The following MRPL22 variants were observed in gnomAD, a reference collection of about 807,000 sequenced individuals.
MRPL22 encodes mitochondrial ribosomal protein L22, also known as large ribosomal subunit protein uL22m.
MRPL22 carries 27 observed loss-of-function variants against 32.4 expected under a neutral mutation model. The ratio of observed to expected loss-of-function variants is 0.83; its 90% confidence interval spans 0.61 to 1.15. The LOEUF is 1.15. Among genes scored for constraint, MRPL22 ranks in the 50% most tolerant of loss-of-function variants. MRPL22 has a pLI of 0.00. For synonymous variants in MRPL22, 86 were observed against 87.3 expected (o/e 0.99, Z 0.08); for missense variants, 239 against 260.2 (o/e 0.92, Z 0.56).
At chr5:154,955,470 G>C (rs996232596) in intron 3 of MRPL22, 4 of 152,156 alleles carry the variant, frequency 2.6e-5, no homozygotes, top group African/African-American at 7.2e-5. Context: ...AGGAACTTTT[G>C]AAAGTAGATG....
chr5:154,966,164 G>A (rs924828610), intron 6 of MRPL22, among the ~76,000 whole-genome samples: 1 of 152,104 alleles, frequency 6.6e-6, no homozygotes, highest in Admixed American at 6.5e-5. Context: ...GCTTCAGCAT[G>A]GTAGTCTTCT....
chr5:154,948,108 G>A (rs1764515203), intron 2 of MRPL22, among the ~76,000 whole-genome samples: 1 of 152,084 alleles, frequency 6.6e-6, no homozygotes, highest in South Asian at 2.1e-4. Flanking sequence ...ATTTGGATAT[G>A]CCCAGACATA....
At position 154,956,506 on chromosome 5, in the gene MRPL22, C is replaced by T. The variant is rs1462038718; in HGVS notation, c.261+70C>T. The stretch of plus-strand genomic sequence containing the variant: ...GAAGCTATGAGTTCCCCTCCCCACC[C>T]CTCACCCCAGGATTTGAAAAATAAA... On this transcript the variant is annotated intron_variant, in intron 4 of 6. Coordinates refer to ENST00000523037, the MANE Select transcript of MRPL22 (RefSeq NM_014180.4). The T allele has an allele frequency of 4.0e-6, 4 of 990,600 alleles. No homozygotes were observed. In the African/African-American group the frequency reaches 6.7e-5, roughly 16 times the overall value. 61.4% of individuals were successfully genotyped at this position (990,600 alleles called of 1,614,324 possible). A position where few individuals can be genotyped will look rare whatever the true frequency, so the allele number is the denominator to read the frequency against.
At chr5:154,957,506 C>A (rs931337330) in intron 5 of MRPL22, among the ~76,000 whole-genome samples, 1 of 151,606 alleles carries the variant, frequency 6.6e-6, no homozygotes, top group Non-Finnish European at 1.5e-5. Flanking sequence ...GGGCTTGGTA[C>A]GTATATGTGT....
chr5:154,959,663 T>C (rs1764676153), intron 5 of MRPL22, among the ~76,000 whole-genome samples: 1 of 152,206 alleles, frequency 6.6e-6, no homozygotes, highest in African/African-American at 2.4e-5. Context: ...GGGAACTTTT[T>C]GACAAGTTTC....
At chr5:154,951,791 C>T (rs374863482) in intron 3 of MRPL22, among the ~76,000 whole-genome samples, 49 of 151,816 alleles carry the variant, frequency 3.2e-4, no homozygotes, top group African/African-American at 1.1e-3. Context: ...CTAAATGAAA[C>T]GTTACACAAT....
chr5:154,961,667 A>G (rs956979968), intron 6 of MRPL22, among the ~76,000 whole-genome samples: 1 of 152,130 alleles, frequency 6.6e-6, no homozygotes, highest in Non-Finnish European at 1.5e-5. Flanking sequence ...AACCAATCCT[A>G]CATAAATGAC....
intron 3 of MRPL22, 67 bp downstream of exon 3, chr5:154,951,005 GA>G: frequency 9.8e-7 from 1 of 1,018,220 alleles, no homozygotes. Flanking sequence ...GATTAGTAAT[GA>G]TTTATTATTC....
intron 6 of MRPL22, among the ~76,000 whole-genome samples, chr5:154,960,910 A>G (rs1764694921): frequency 6.6e-6 from 1 of 152,230 alleles, no homozygotes; most frequent in Admixed American, 6.5e-5. Context: ...CCATACCAAC[A>G]TATAAAGATT....
intron 2 of MRPL22, among the ~76,000 whole-genome samples, chr5:154,945,082 AT>A (rs1764471759): frequency 6.6e-6 from 1 of 152,174 alleles, no homozygotes; most frequent in African/African-American, 2.4e-5. Flanking sequence ...GATCTGACTT[AT>A]GTTTATGAGT....
At chr5:154,943,286 C>T (rs1764444163) in intron 2 of MRPL22, among the ~76,000 whole-genome samples, 1 of 151,958 alleles carries the variant, frequency 6.6e-6, no homozygotes, top group Admixed American at 6.6e-5. Context: ...TGCCATCACA[C>T]CTGGCTAATT....
At chr5:154,954,085 G>A (rs998672373) in intron 3 of MRPL22, among the ~76,000 whole-genome samples, 5 of 151,476 alleles carry the variant, frequency 3.3e-5, no homozygotes, top group South Asian at 2.1e-4. Context: ...GACCTCCTGG[G>A]CTTAAGAGAT....
intron 2 of MRPL22, among the ~76,000 whole-genome samples, chr5:154,943,347 G>A (rs1438442924): frequency 6.6e-6 from 1 of 152,006 alleles, no homozygotes; most frequent in South Asian, 2.1e-4. Flanking sequence ...CTGGGCTCAA[G>A]TGATCCTCCT....
At chr5:154,957,348 A>G in intron 5 of MRPL22, 136 bp downstream of exon 5, 1 of 648,054 alleles carries the variant, frequency 1.5e-6, no homozygotes, top group Non-Finnish European at 2.7e-6. Flanking sequence ...TATAATACAG[A>G]TTTAGGGTTC....
intron 6 of MRPL22, among the ~76,000 whole-genome samples, chr5:154,966,363 C>G (rs1016635915): frequency 1.3e-5 from 2 of 152,234 alleles, no homozygotes; most frequent in Non-Finnish European, 2.9e-5. Flanking sequence ...CCATCATTGT[C>G]TGTCATCTCA....
rs185062408 is a variant in MRPL22, at chr5:154,967,962, A to G, written c.*1065A>G. On this transcript the variant is annotated 3_prime_UTR_variant, in exon 7 of 7. Transcript: ENST00000523037. The surrounding 1 kb of genome is among the most constrained non-coding windows in gnomAD (Gnocchi z 4.7). ...CGGCTTTAGGAGAATGAAAAAATGT[A>G]GTTTTATTGCCATGTTTTAAGATGG... 10 of 152,326 alleles carry G rather than the reference A, an allele frequency of 6.6e-5. No homozygotes were observed. Among genetic ancestry groups the G allele is most frequent in the African/African-American group, 2.4e-4 (10 of 41,576 alleles). 9.4% of individuals were successfully genotyped at this position (152,326 alleles called of 1,614,324 possible). A position where few individuals can be genotyped will look rare whatever the true frequency, so the allele number is the denominator to read the frequency against.
intron 6 of MRPL22, among the ~76,000 whole-genome samples, chr5:154,964,977 A>G (rs571084777): frequency 6.6e-6 from 1 of 152,318 alleles, no homozygotes; most frequent in East Asian, 1.9e-4. Flanking sequence ...GGGTTTCCTT[A>G]TAAAGTGATT....
chr5:154,967,165 G>A lies in MRPL22; in HGVS notation c.*268G>A. ...AAAGGCTTTTGGAGTAACTTTGAAA[G>A]GGAATGTTAACTTTCCAACTAGTGT... On this transcript the variant is annotated 3_prime_UTR_variant, in exon 7 of 7. Transcript: ENST00000523037. The surrounding 1 kb of genome is among the most constrained non-coding windows in gnomAD (Gnocchi z 4.7). 1 of 413,816 alleles carries A rather than the reference G, an allele frequency of 2.4e-6. No individual in the cohort carries two copies. Among genetic ancestry groups the A allele is most frequent in the South Asian group, 3.0e-5 (1 of 33,198 alleles). The allele number at this position is 413,816 out of a possible 1,614,324, so 25.6% of individuals were successfully genotyped here.
chr5:154,965,794 C>T (rs1764759693), intron 6 of MRPL22, among the ~76,000 whole-genome samples: 1 of 152,036 alleles, frequency 6.6e-6, no homozygotes, highest in African/African-American at 2.4e-5. Flanking sequence ...GGGAGGGGAG[C>T]TGAAGGGGCC....
Sources: allele counts gnomAD v4.1 joint callset (sites outside exome capture counted in the v4.1 genomes callset), GRCh38; gene constraint gnomAD v4.1.1; non-coding constraint Gnocchi (gnomAD v3.1); transcripts MANE v1.5; gene names NCBI Gene and HGNC (gene_info 2026-07-23, HGNC 2026-07-21).